GARIN1B: variants seen among roughly 807,000 people sequenced by gnomAD.
GARIN1B encodes the protein golgi associated RAB2 interactor 1B, also known as Golgi-associated RAB2 interactor protein 1B.
chr7:128,713,056 G>C, the GARIN1B span, among the ~76,000 whole-genome samples: 3 of 152,168 alleles, frequency 2.0e-5, no homozygotes, highest in Non-Finnish European at 2.9e-5. Context: ...CTGTAATCCA[G>C]CACTTTGGGA....
At chr7:128,710,531 G>A in the GARIN1B span, among the ~76,000 whole-genome samples, 4 of 151,578 alleles carry the variant, frequency 2.6e-5, no homozygotes, top group Non-Finnish European at 5.9e-5. Flanking sequence ...CAGCTTTATT[G>A]TATGATATTT....
the GARIN1B span, chr7:128,714,222 T>C: frequency 7.1e-6 from 9 of 1,273,970 alleles, no homozygotes; most frequent in Non-Finnish European, 6.6e-6. Context: ...TGTGTAATGA[T>C]TGTCAAACTC....
chr7:128,726,283 G>A, the GARIN1B span, among the ~76,000 whole-genome samples: 2 of 152,236 alleles, frequency 1.3e-5, no homozygotes, highest in African/African-American at 4.8e-5. Flanking sequence ...GAGCTAGGGA[G>A]CTATGGCAAC....
chr7:128,715,707 C>G, the GARIN1B span: 1 of 1,584,062 alleles, frequency 6.3e-7, no homozygotes. Flanking sequence ...TTGGGTGGCG[C>G]AGAATAGCAC....
At chr7:128,710,859 T>C in the GARIN1B span, among the ~76,000 whole-genome samples, 7 of 152,220 alleles carry the variant, frequency 4.6e-5, no homozygotes, top group African/African-American at 7.2e-5. Context: ...GGTTTCTCCA[T>C]GTTGGTCAGG....
chr7:128,718,745 A>G, the GARIN1B span: 13,195 of 1,530,688 alleles, frequency 8.6e-3, 83 homozygotes, highest in Non-Finnish European at 0.011. Flanking sequence ...CCTTAGTCCT[A>G]AAGGAGACCT....
chr7:128,716,663 A>G, the GARIN1B span: 6 of 570,346 alleles, frequency 1.1e-5, no homozygotes, highest in African/African-American at 1.9e-5. Flanking sequence ...GATGCTACTA[A>G]GCATTCTTTA....
the GARIN1B span, among the ~76,000 whole-genome samples, chr7:128,709,522 A>C: frequency 6.6e-6 from 1 of 152,188 alleles, no homozygotes; most frequent in Non-Finnish European, 1.5e-5. Context: ...ATGGGGTCAC[A>C]TACTTTTCTT....
chr7:128,731,231 T>C, the GARIN1B span: 2 of 981,168 alleles, frequency 2.0e-6, no homozygotes, highest in South Asian at 1.3e-5. Context: ...CAAGGAAGAA[T>C]AGAGTCATCT....
the GARIN1B span, chr7:128,717,025 C>T: frequency 6.4e-7 from 1 of 1,568,396 alleles, no homozygotes; most frequent in Admixed American, 1.8e-5. Flanking sequence ...GAATGGAGGA[C>T]AAGAGGGGTG....
At chr7:128,717,853 T>C in the GARIN1B span, among the ~76,000 whole-genome samples, 1 of 152,216 alleles carries the variant, frequency 6.6e-6, no homozygotes, top group African/African-American at 2.4e-5. Context: ...GAAGTAGCCT[T>C]TTTAAATTTT....
the GARIN1B span, among the ~76,000 whole-genome samples, chr7:128,712,192 C>T: frequency 2.0e-5 from 3 of 152,210 alleles, no homozygotes; most frequent in South Asian, 6.2e-4. Flanking sequence ...CTTAAAGCTT[C>T]AGGGCCTCTA....
the GARIN1B span, among the ~76,000 whole-genome samples, chr7:128,711,078 A>G: frequency 6.6e-6 from 1 of 152,138 alleles, no homozygotes. Flanking sequence ...TGCAGAGAAG[A>G]GTCTTGTCAA....
chr7:128,724,418 G>A, the GARIN1B span, among the ~76,000 whole-genome samples: 2 of 152,046 alleles, frequency 1.3e-5, no homozygotes, highest in African/African-American at 2.4e-5. Flanking sequence ...CTCACCCAAG[G>A]TCTCTGCTTG....
chr7:128,721,261 C>T, the GARIN1B span, among the ~76,000 whole-genome samples: 4 of 152,100 alleles, frequency 2.6e-5, no homozygotes, highest in Non-Finnish European at 5.9e-5. Context: ...GTGCTGGGAG[C>T]CACATGCTTG....
At chr7:128,731,688 TTCTA>T in the GARIN1B span, 2 of 154,432 alleles carry the variant, frequency 1.3e-5, no homozygotes, top group Non-Finnish European at 2.9e-5. Flanking sequence ...CCATTTCCCT[TTCTA>T]TCTGTTTTTC....
chr7:128,731,290 A>C, the GARIN1B span: 9 of 692,652 alleles, frequency 1.3e-5, no homozygotes, highest in East Asian at 2.1e-4. Flanking sequence ...CGTCCTCGCC[A>C]CTGCACCTCG....
the GARIN1B span, chr7:128,729,924 C>T: frequency 2.5e-6 from 4 of 1,613,924 alleles, no homozygotes; most frequent in South Asian, 3.3e-5. Context: ...CCCGTGAAGA[C>T]AGCATCCCTT....
At chr7:128,721,121 T>C in the GARIN1B span, among the ~76,000 whole-genome samples, 3 of 152,244 alleles carry the variant, frequency 2.0e-5, no homozygotes, top group Non-Finnish European at 4.4e-5. Flanking sequence ...TTTATTTCAA[T>C]ACTTTAGTTT....
Sources: allele counts gnomAD v4.1 joint callset (sites outside exome capture counted in the v4.1 genomes callset), GRCh38; gene constraint gnomAD v4.1.1; transcripts MANE v1.5; gene names NCBI Gene and HGNC (gene_info 2026-07-23, HGNC 2026-07-21).